ACVR1: variants seen among roughly 807,000 people sequenced by gnomAD.
ACVR1 encodes the protein activin A receptor type 1, also known as activin receptor type-1.
In ACVR1, 38 loss-of-function variants were observed where a neutral mutation model predicts 57.1. That is an observed-to-expected ratio of 0.67 (90% CI 0.51 to 0.87). ACVR1 has a LOEUF of 0.87. Among genes scored for constraint, ACVR1 ranks in the 40% least tolerant of loss-of-function variants. The pLI, the probability that ACVR1 is intolerant of heterozygous loss-of-function variation, is 0.00. For missense variants in ACVR1, 463 were observed against 638.2 expected (o/e 0.73, Z 2.96); for synonymous variants, 212 against 228.1 (o/e 0.93, Z 0.63).
intron 1 of ACVR1, among the ~76,000 whole-genome samples, chr2:157,855,827 A>G (rs1367044214): frequency 3.3e-5 from 5 of 152,070 alleles, no homozygotes. Context: ...AAATGACTTG[A>G]TGTTTTGTCT....
intron 9 of ACVR1, among the ~76,000 whole-genome samples, chr2:157,749,337 A>G (rs1685092815): frequency 6.6e-6 from 1 of 152,226 alleles, no homozygotes. Context: ...GTGCTTCTTT[A>G]ACTGCTAAGG....
At chr2:157,875,093 C>T (rs1690240214) in intron 1 of ACVR1, 1 of 152,256 alleles carries the variant, frequency 6.6e-6, no homozygotes, top group South Asian at 2.1e-4. Flanking sequence ...CCAGCGGCCC[C>T]AGAGGCCCAC....
intron 3 of ACVR1, among the ~76,000 whole-genome samples, chr2:157,795,963 C>T (rs564767254): frequency 6.6e-6 from 1 of 152,252 alleles, no homozygotes; most frequent in South Asian, 2.1e-4. Context: ...GTGGCTCACG[C>T]CTGTAATCCC....
At chr2:157,760,281 G>A (rs1685591782) in intron 9 of ACVR1, among the ~76,000 whole-genome samples, 1 of 152,134 alleles carries the variant, frequency 6.6e-6, no homozygotes, top group Admixed American at 6.5e-5. Context: ...GTTACCAGAA[G>A]CTGAGAAGGT....
At chr2:157,808,640 G>A (rs148670400) in intron 2 of ACVR1, among the ~76,000 whole-genome samples, 47 of 152,172 alleles carry the variant, frequency 3.1e-4, no homozygotes, top group African/African-American at 1.1e-3. Context: ...TAGGCCCAGA[G>A]CCATCCCTAA....
chr2:157,843,753 C>T (rs1002212708), intron 1 of ACVR1, among the ~76,000 whole-genome samples: 4 of 152,108 alleles, frequency 2.6e-5, no homozygotes, highest in Non-Finnish European at 1.5e-5. Context: ...GGTTATGTTG[C>T]ACAGACCTGA....
intron 1 of ACVR1, among the ~76,000 whole-genome samples, chr2:157,845,128 G>T (rs1287556718): frequency 6.6e-6 from 1 of 152,194 alleles, no homozygotes; most frequent in Non-Finnish European, 1.5e-5. Context: ...GTCCCAATAA[G>T]TTGTGTAGGC....
chr2:157,872,661 T>C (rs1690150293), intron 1 of ACVR1, among the ~76,000 whole-genome samples: 1 of 152,246 alleles, frequency 6.6e-6, no homozygotes, highest in South Asian at 2.1e-4. Flanking sequence ...AGCCAGTAGT[T>C]ACTGTGTGCC....
At chr2:157,847,187 A>G (rs868071242) in intron 1 of ACVR1, among the ~76,000 whole-genome samples, 23 of 152,332 alleles carry the variant, frequency 1.5e-4, no homozygotes, top group Middle Eastern at 3.4e-3. Flanking sequence ...ATAAAACTGA[A>G]ACACAAATTT....
At chr2:157,858,998 C>T (rs751015490) in intron 1 of ACVR1, among the ~76,000 whole-genome samples, 2 of 152,198 alleles carry the variant, frequency 1.3e-5, no homozygotes, top group Non-Finnish European at 2.9e-5. Context: ...CACCTTACTG[C>T]ATTCCCCACA....
intron 1 of ACVR1, among the ~76,000 whole-genome samples, chr2:157,872,572 G>C (rs1202022471): frequency 6.6e-6 from 1 of 152,180 alleles, no homozygotes; most frequent in Non-Finnish European, 1.5e-5. Flanking sequence ...TAGGGGAGGA[G>C]GGGGACATAC....
intron 1 of ACVR1, among the ~76,000 whole-genome samples, chr2:157,870,483 G>GT (rs1690081724): frequency 6.6e-6 from 1 of 152,188 alleles, no homozygotes; most frequent in South Asian, 2.1e-4. Context: ...CAAAAGAGGA[G>GT]TTTACTTTGG....
At position 157,771,776 on chromosome 2, in the gene ACVR1, C is replaced by T. The variant is rs531960465; in HGVS notation, c.644-1262G>A. ...TCCCTATTAAATACCAACAACTAAC[C>T]CAAAAGGATGTTCAATGTGGCTAAC... On this transcript the variant is annotated intron_variant, in intron 6 of 10. Transcript: ENST00000434821. Among the ~76,000 whole-genome samples, 3 of 152,122 alleles carry T rather than the reference C, an allele frequency of 2.0e-5. No individual in the cohort carries two copies. In the South Asian group the frequency reaches 6.2e-4, roughly 32 times the overall value.
chr2:157,838,381 A>G (rs1297621806), intron 1 of ACVR1: 1 of 152,204 alleles, frequency 6.6e-6, no homozygotes. Context: ...CAAGTTGCTT[A>G]TTGGTACTGT....
chr2:157,774,225 C>G (rs984766200), intron 5 of ACVR1, 38 bp from the exon 6 acceptor site: 3 of 1,525,900 alleles, frequency 2.0e-6, no homozygotes. Flanking sequence ...AACGATTGAG[C>G]AATATAGCTC....
rs2105392420 is a variant in ACVR1, at chr2:157,873,555, T to C, written c.-183+2241A>G. Among the ~76,000 whole-genome samples the C allele has an allele frequency of 3.3e-5, 5 of 152,304 alleles. 1 individual carries two copies. The South Asian group carries it at 1.0e-3, about 32-fold the overall frequency. On this transcript the variant is annotated intron_variant, in intron 1 of 10. Transcript: ENST00000434821. Reference sequence around the variant, plus strand: ...TCCAAGAGCAGAACAAGCCACAGACTACAGCTCCCAGCCCCAGCATTGATT... The same window carrying C: ...TCCAAGAGCAGAACAAGCCACAGACCACAGCTCCCAGCCCCAGCATTGATT...
At chr2:157,767,400 G>C (rs1463440324) in intron 7 of ACVR1, among the ~76,000 whole-genome samples, 1 of 151,980 alleles carries the variant, frequency 6.6e-6, no homozygotes, top group Non-Finnish European at 1.5e-5. Flanking sequence ...TGGAAGTTAG[G>C]GGCACTTCCT....
At chr2:157,814,207 A>G (rs556838188) in intron 2 of ACVR1, among the ~76,000 whole-genome samples, 16 of 152,352 alleles carry the variant, frequency 1.1e-4, no homozygotes, top group Admixed American at 5.2e-4. Flanking sequence ...CAAATGGCCA[A>G]CGGAGAAAAA....
At chr2:157,827,649 T>C (rs1688434670) in intron 1 of ACVR1, among the ~76,000 whole-genome samples, 1 of 152,224 alleles carries the variant, frequency 6.6e-6, no homozygotes, top group Non-Finnish European at 1.5e-5. Flanking sequence ...AGTGAGTTAA[T>C]TTAAAATAAG....
Sources: gnomAD v4.1 joint callset for allele counts (sites outside exome capture counted in the v4.1 genomes callset) on GRCh38, gnomAD v4.1.1 for gene constraint, MANE v1.5 for transcripts, NCBI Gene and HGNC (gene_info 2026-07-23, HGNC 2026-07-21) for gene names.